SETBP1: variants seen among roughly 807,000 people sequenced by gnomAD.
SETBP1 encodes SET binding protein 1, also known as SET-binding protein.
Under a neutral mutation model 101.0 loss-of-function variants are expected in SETBP1, and 9 were observed. The observed-to-expected ratio is 0.09, with a 90% CI of 0.05 to 0.16. The LOEUF is 0.16. Ranked by LOEUF, SETBP1 falls within the 10% of genes least tolerant of loss-of-function variation. SETBP1 has a pLI of 1.00. For missense variants in SETBP1, 1,858 were observed against 2,033.8 expected (o/e 0.91, Z 1.66); for synonymous variants, 818 against 788.5 (o/e 1.04, Z -0.63).
At chr18:44,976,885 T>G (rs1221979584) in intron 4 of SETBP1, among the ~76,000 whole-genome samples, 2 of 152,216 alleles carry the variant, frequency 1.3e-5, no homozygotes, top group African/African-American at 2.4e-5. Flanking sequence ...TATTTATATT[T>G]TATTATTGTT....
intron 2 of SETBP1, among the ~76,000 whole-genome samples, chr18:44,772,540 A>ACG: frequency 6.6e-6 from 1 of 152,160 alleles, no homozygotes; most frequent in Admixed American, 6.5e-5. Context: ...TCCTGGGGGT[A>ACG]TTTTCATAAG....
rs573461054 is a variant in SETBP1, at chr18:44,879,593, G to GA, written c.540+10316dup. On this transcript the variant is annotated intron_variant, in intron 3 of 5. Coordinates refer to ENST00000649279, the MANE Select transcript of SETBP1 (RefSeq NM_015559.3). ...TACTAGAGTTTGGGATTGTCCAACA[G>GA]AAAAAACAAACAAACAAACAAAATA... 3.7e-3 allele frequency among the ~76,000 whole-genome samples: 564 copies of GA among 152,172 alleles called. 1 individual carries two copies. The highest frequency in any genetic ancestry group is 5.9e-3 in the Non-Finnish European group (401 of 67,988).
intron 2 of SETBP1, among the ~76,000 whole-genome samples, chr18:44,818,086 G>A (rs1463748996): frequency 2.6e-5 from 4 of 152,156 alleles, no homozygotes; most frequent in Non-Finnish European, 2.9e-5. Flanking sequence ...CTATTACAGC[G>A]AGATTAAATA....
intron 2 of SETBP1, among the ~76,000 whole-genome samples, chr18:44,788,510 G>T (rs2071294276): frequency 6.6e-6 from 1 of 152,212 alleles, no homozygotes; most frequent in African/African-American, 2.4e-5. Context: ...GAGGCCATTA[G>T]CAGAGTGAAG....
intron 4 of SETBP1, among the ~76,000 whole-genome samples, chr18:44,984,968 C>G (rs1477502590): frequency 2.0e-5 from 3 of 152,172 alleles, no homozygotes; most frequent in African/African-American, 7.2e-5. Context: ...TGGTGAAACC[C>G]TATCTCCACT....
chr18:44,928,955 T>C (rs926819933), intron 3 of SETBP1, among the ~76,000 whole-genome samples: 1 of 152,354 alleles, frequency 6.6e-6, no homozygotes, highest in East Asian at 1.9e-4. Context: ...TTTGTCAATT[T>C]TGGCTTTTGT....
At chr18:44,716,299 A>G (rs1462749148) in intron 2 of SETBP1, among the ~76,000 whole-genome samples, 1 of 152,096 alleles carries the variant, frequency 6.6e-6, no homozygotes, top group Non-Finnish European at 1.5e-5. Context: ...TTAAGAACCT[A>G]TACGTTAATC....
intron 3 of SETBP1, among the ~76,000 whole-genome samples, chr18:44,938,485 C>A (rs1423910581): frequency 6.6e-6 from 1 of 152,198 alleles, no homozygotes; most frequent in African/African-American, 2.4e-5. Context: ...CAGCAGACAG[C>A]AATTAGTGAC....
intron 5 of SETBP1, among the ~76,000 whole-genome samples, chr18:45,045,581 T>C (rs2073595773): frequency 6.6e-6 from 1 of 152,142 alleles, no homozygotes; most frequent in African/African-American, 2.4e-5. Flanking sequence ...AAGTTTTGGC[T>C]CATTTTTTCT....
At chr18:44,890,460 T>TG (rs764975135) in intron 3 of SETBP1, among the ~76,000 whole-genome samples, 15 of 152,178 alleles carry the variant, frequency 9.9e-5, no homozygotes, top group Non-Finnish European at 2.1e-4. Flanking sequence ...CTCTAGCAGA[T>TG]GGGGAAGGCT....
chr18:44,979,983 C>CAAATGTTGATCCAGT, intron 4 of SETBP1, among the ~76,000 whole-genome samples: 1 of 152,270 alleles, frequency 6.6e-6, no homozygotes, highest in Non-Finnish European at 1.5e-5. Flanking sequence ...GTCAACTCAG[C>CAAATGTTGATCCAGT]AAATGTTGAT....
chr18:44,755,647 G>C (rs2070475385), intron 2 of SETBP1, among the ~76,000 whole-genome samples: 1 of 152,166 alleles, frequency 6.6e-6, no homozygotes, highest in Middle Eastern at 3.4e-3. Context: ...CTTGGACTGA[G>C]CCTCTTTGGG....
intron 3 of SETBP1, among the ~76,000 whole-genome samples, chr18:44,922,939 A>T (rs1440250382): frequency 6.6e-6 from 1 of 152,096 alleles, no homozygotes; most frequent in African/African-American, 2.4e-5. Context: ...GTCAGGGACC[A>T]CTCTGGGAGA....
At chr18:44,937,383 A>G (rs1428875890) in intron 3 of SETBP1, among the ~76,000 whole-genome samples, 4 of 136,646 alleles carry the variant, frequency 2.9e-5, no homozygotes, top group Non-Finnish European at 6.1e-5. Context: ...TGAACCCGGG[A>G]GGCGGAGCTT....
intron 3 of SETBP1, among the ~76,000 whole-genome samples, chr18:44,904,855 C>G (rs2070136344): frequency 1.3e-5 from 2 of 152,286 alleles, no homozygotes; most frequent in East Asian, 3.9e-4. Context: ...ACTTTCATTC[C>G]TCTAAAGACT....
intron 2 of SETBP1, among the ~76,000 whole-genome samples, chr18:44,826,329 C>T (rs1445806021): frequency 1.3e-5 from 2 of 152,164 alleles, no homozygotes; most frequent in Admixed American, 1.3e-4. Flanking sequence ...CCCTGGCCCT[C>T]GCACAAAAGC....
intron 2 of SETBP1, among the ~76,000 whole-genome samples, chr18:44,736,696 A>G (rs533986445): frequency 1.3e-5 from 2 of 152,304 alleles, no homozygotes; most frequent in African/African-American, 4.8e-5. Flanking sequence ...TTAATTACTG[A>G]AAAAGGATCA....
intron 2 of SETBP1, among the ~76,000 whole-genome samples, chr18:44,845,195 G>A (rs1411923759): frequency 6.6e-6 from 1 of 152,062 alleles, no homozygotes; most frequent in Non-Finnish European, 1.5e-5. Context: ...GTGGTTATTG[G>A]GCCAGATGAT....
At position 44,722,282 on chromosome 18, in the gene SETBP1, C is replaced by G. The variant is rs181329750; in HGVS notation, c.486+20450C>G. Among the ~76,000 whole-genome samples the G allele has an allele frequency of 4.6e-5, 7 of 152,238 alleles. No individual in the cohort carries two copies. The East Asian group carries it at 1.4e-3, about 29-fold the overall frequency. ...CTGTTTATATTATTTTGGGATATTC[C>G]TAGTCACCATCTCCGGTCGCCTTTT... On this transcript the variant is annotated intron_variant, in intron 2 of 5. Transcript: ENST00000649279.
Sources: allele counts gnomAD v4.1 joint callset (sites outside exome capture counted in the v4.1 genomes callset), GRCh38; gene constraint gnomAD v4.1.1; transcripts MANE v1.5; gene names NCBI Gene and HGNC (gene_info 2026-07-23, HGNC 2026-07-21).